Variants in CENPC observed in about 807,000 individuals in gnomAD.
The protein encoded by CENPC is centromere protein C.
In CENPC, 63 loss-of-function variants were observed where a neutral mutation model predicts 112.1. The observed-to-expected ratio is 0.56, with a 90% CI of 0.46 to 0.69. The LOEUF is 0.69. Ranked by LOEUF, CENPC falls within the 30% of genes least tolerant of loss-of-function variation. The pLI is 0.00. For missense variants in CENPC, 1,000 were observed against 1,103.8 expected (o/e 0.91, Z 1.33); for synonymous variants, 333 against 367.6 (o/e 0.91, Z 1.08).
At chr4:67,512,732 A>AT (rs1233513064) in intron 8 of CENPC, among the ~76,000 whole-genome samples, 163 bp from the exon 9 acceptor site, 4 of 152,136 alleles carry the variant, frequency 2.6e-5, no homozygotes, top group Non-Finnish European at 5.9e-5. Context: ...TCTGTCAATT[A>AT]TATGTGCTGC....
intron 17 of CENPC, among the ~76,000 whole-genome samples, chr4:67,483,210 G>A (rs1725000750): frequency 6.6e-6 from 1 of 152,020 alleles, no homozygotes. Flanking sequence ...CTTTATAGGA[G>A]TATGAGAAGG....
rs1221099016 is a variant in CENPC, at chr4:67,470,962, C to T, written c.*1643G>A. 1 of 152,110 alleles carries T rather than the reference C, an allele frequency of 6.6e-6. No homozygotes were observed. The highest frequency in any genetic ancestry group is 1.9e-4 in the East Asian group (1 of 5,200). 9.4% of individuals were successfully genotyped at this position (152,110 alleles called of 1,614,324 possible). A position where few individuals can be genotyped will look rare whatever the true frequency, so the allele number is the denominator to read the frequency against. On this transcript the variant is annotated 3_prime_UTR_variant, in exon 19 of 19. Transcript: ENST00000273853. ...AAAAGGGTAACATGAGCTCTCCAAA[C>T]ATCTTTGGCAAACTGAAATGATGCA... is the stretch of plus-strand genomic sequence containing the variant.
chr4:67,489,340 C>T (rs1025997700), intron 17 of CENPC, among the ~76,000 whole-genome samples: 2 of 151,940 alleles, frequency 1.3e-5, no homozygotes, highest in South Asian at 2.1e-4. Context: ...CACCTTGAAT[C>T]TCATTACAAC....
At chr4:67,503,654 A>G (rs1004823858) in intron 12 of CENPC, among the ~76,000 whole-genome samples, 5 of 152,168 alleles carry the variant, frequency 3.3e-5, no homozygotes, top group African/African-American at 1.2e-4. Flanking sequence ...TATATTCAAA[A>G]AAATATATCC....
chr4:67,509,880 T>G (rs1725847443), intron 9 of CENPC, among the ~76,000 whole-genome samples: 1 of 152,168 alleles, frequency 6.6e-6, no homozygotes, highest in Non-Finnish European at 1.5e-5. Context: ...TTAATTAAAG[T>G]ATTTTAGTTA....
At chr4:67,503,431 C>T (rs747807702) in intron 12 of CENPC, among the ~76,000 whole-genome samples, 2 of 152,054 alleles carry the variant, frequency 1.3e-5, no homozygotes, top group Non-Finnish European at 2.9e-5. Context: ...CATTTCCCAC[C>T]CTAAAAGCCA....
chr4:67,480,044 G>A (rs1343495700), intron 17 of CENPC, among the ~76,000 whole-genome samples: 2 of 152,238 alleles, frequency 1.3e-5, no homozygotes, highest in Non-Finnish European at 2.9e-5. Flanking sequence ...TCCAGGCCGG[G>A]TATAGTGGCT....
Position 67,518,289 on chromosome 4 carries a change from C to T in CENPC, c.697G>A (p.Glu233Lys), listed in dbSNP as rs921607766. The change falls in exon 7 of 19, where the codon GAA (glutamate) becomes AAA (lysine). Residue 233 changes from glutamate (E) to lysine (K), a missense_variant. Physicochemically the swap from Glu to Lys is moderately conservative, Grantham distance 56 (BLOSUM62 1). Transcript: ENST00000273853. ...KVSDEEDKTS[E>K]GQERKPSGSS... ...CCTGATGGTTTTCTTTCTTGTCCTT[C>T]CGATGTTTTATCCTCTTCATCTGAT... 3.9e-6 allele frequency: 6 copies of T among 1,556,704 alleles called. No individual in the cohort carries two copies. In the African/African-American group the frequency reaches 8.2e-5, roughly 21 times the overall value.
chr4:67,495,096 T>C lies in CENPC; in HGVS notation c.2185+63A>G, dbSNP rs1431842893. 2.2e-6 allele frequency: 3 copies of C among 1,360,694 alleles called. No individual in the cohort carries two copies. In the Admixed American group the frequency reaches 8.9e-5, roughly 40 times the overall value. 84.3% of individuals were successfully genotyped at this position (1,360,694 alleles called of 1,614,324 possible). ...CTGCTTAAGAAGAAATAAGTTATATTTAGAAACAGAAACTTAAGGTATTTT... is the reference window on the plus strand; with the variant it reads ...CTGCTTAAGAAGAAATAAGTTATATCTAGAAACAGAAACTTAAGGTATTTT... On this transcript the variant is annotated intron_variant, in intron 13 of 18. Transcript: ENST00000273853.
intron 4 of CENPC, among the ~76,000 whole-genome samples, chr4:67,534,391 A>T (rs550981291): frequency 6.6e-5 from 10 of 152,100 alleles, no homozygotes; most frequent in Admixed American, 2.6e-4. Flanking sequence ...ACTCCAGCCC[A>T]GGAGTGCTTT....
At chr4:67,495,690 A>G (rs1353131004) in intron 12 of CENPC, among the ~76,000 whole-genome samples, 3 of 152,240 alleles carry the variant, frequency 2.0e-5, no homozygotes, top group East Asian at 3.8e-4. Flanking sequence ...TCTATTGCTC[A>G]TGGAAAGATG....
chr4:67,529,385 C>T (rs898413435), intron 5 of CENPC, among the ~76,000 whole-genome samples: 4 of 151,986 alleles, frequency 2.6e-5, no homozygotes, highest in Admixed American at 2.6e-4. Context: ...AGTGCAGTGG[C>T]GCAATCTTCG....
chr4:67,483,627 T>C (rs1047858014), intron 17 of CENPC, among the ~76,000 whole-genome samples: 2 of 152,192 alleles, frequency 1.3e-5, no homozygotes, highest in African/African-American at 2.4e-5. Context: ...AATGTTATTA[T>C]AGGAGATGAC....
intron 4 of CENPC, among the ~76,000 whole-genome samples, chr4:67,531,717 T>C (rs1726555455): frequency 6.6e-6 from 1 of 152,160 alleles, no homozygotes; most frequent in Non-Finnish European, 1.5e-5. Flanking sequence ...AGGGAATGAG[T>C]ACATTCTATA....
chr4:67,527,825 C>G (rs1167496281), intron 5 of CENPC, among the ~76,000 whole-genome samples: 1 of 151,744 alleles, frequency 6.6e-6, no homozygotes. Flanking sequence ...TAACATAATA[C>G]TGAAGTACTA....
chr4:67,500,922 C>T (rs530246589), intron 12 of CENPC, among the ~76,000 whole-genome samples: 104 of 152,256 alleles, frequency 6.8e-4, no homozygotes, highest in African/African-American at 2.4e-3. Context: ...CAGAATATCA[C>T]TCCACAATAA....
intron 16 of CENPC, 46 bp downstream of exon 16, chr4:67,492,134 T>G: frequency 7.9e-7 from 1 of 1,259,036 alleles, no homozygotes; most frequent in Non-Finnish European, 1.1e-6. Flanking sequence ...AATATTTTCT[T>G]ACAAATTGTT....
At position 67,469,651 on chromosome 4, in the gene CENPC, C is replaced by G. The variant is rs1724600272; in HGVS notation, c.*2954G>C. ...AGCCACCATGCCCGGGTAGAAGTCT[C>G]TTTCTTTAAGACCCTTCATGAGCAT... is the stretch of plus-strand genomic sequence containing the variant. On this transcript the variant is annotated 3_prime_UTR_variant, in exon 19 of 19. Coordinates refer to ENST00000273853, the MANE Select transcript of CENPC (RefSeq NM_001812.4). 6.6e-6 allele frequency: 1 copy of G among 152,254 alleles called. No individual in the cohort carries two copies. The highest frequency in any genetic ancestry group is 2.4e-5 in the African/African-American group (1 of 41,440). The allele number at this position is 152,254 out of a possible 1,614,324, so 9.4% of individuals were successfully genotyped here.
chr4:67,506,663 A>G, intron 11 of CENPC, 125 bp downstream of exon 11: 1 of 780,874 alleles, frequency 1.3e-6, no homozygotes, highest in Non-Finnish European at 1.8e-6. Context: ...GCTGAGCCAT[A>G]GAAACTATGA....
Sources: allele counts gnomAD v4.1 joint callset (sites outside exome capture counted in the v4.1 genomes callset), GRCh38; gene constraint gnomAD v4.1.1; transcripts MANE v1.5; gene names NCBI Gene and HGNC (gene_info 2026-07-23, HGNC 2026-07-21).